Variants in SIGLEC7 observed in about 807,000 individuals in gnomAD.
SIGLEC7 encodes the protein sialic acid-binding Ig-like lectin 7.
Under a neutral mutation model 40.8 loss-of-function variants are expected in SIGLEC7, and 33 were observed. The observed-to-expected ratio is 0.81, with a 90% CI of 0.61 to 1.08. SIGLEC7 has a LOEUF of 1.08. Among genes scored for constraint, SIGLEC7 ranks in the 50% least tolerant of loss-of-function variants. The pLI is 0.00. For missense variants in SIGLEC7, 513 were observed against 576.1 expected (o/e 0.89, Z 1.12); for synonymous variants, 242 against 237.6 (o/e 1.02, Z -0.17).
In SIGLEC7 at chr19:51,144,523, G is replaced by A. The variant is rs1342935549; in HGVS notation, c.551G>A (p.Trp184Ter). 2 of 1,613,882 alleles carry A rather than the reference G, an allele frequency of 1.2e-6. No homozygotes were observed. The highest frequency in any genetic ancestry group is 4.5e-5 in the East Asian group (2 of 44,878). Residue 184 changes from tryptophan to a stop codon, truncating the protein, a stop_gained, in exon 2 of 7, where the codon TGG (tryptophan) becomes TAG (stop). Coordinates refer to ENST00000317643, the MANE Select transcript of SIGLEC7 (RefSeq NM_014385.4). LOFTEE classifies it high-confidence loss of function. ...CAGGGGACGCCCCCTATGATCTCCTGGATGGGGACCTCTGTGTCCCCCCTG... is the reference window on the plus strand; with the variant it reads ...CAGGGGACGCCCCCTATGATCTCCTAGATGGGGACCTCTGTGTCCCCCCTG... ...CEQGTPPMIS[W>*]MGTSVSPLHP... is the part of the protein sequence containing the mutation.
intron 6 of SIGLEC7, among the ~76,000 whole-genome samples, chr19:51,149,094 A>G (rs2092128137): frequency 6.6e-6 from 1 of 152,086 alleles, no homozygotes; most frequent in South Asian, 2.1e-4. Context: ...GTTTGCAAGT[A>G]TTTTCTCCCA....
At chr19:51,152,917 G>A (rs1033030347) in intron 6 of SIGLEC7, 146 bp from the exon 7 acceptor site, 9 of 525,566 alleles carry the variant, frequency 1.7e-5, no homozygotes, top group Middle Eastern at 5.4e-4. Flanking sequence ...TAAAATGAAC[G>A]TGGGATAGAG....
At chr19:51,143,362 T>C (rs2092082989) in intron 1 of SIGLEC7, among the ~76,000 whole-genome samples, 1 of 152,080 alleles carries the variant, frequency 6.6e-6, no homozygotes, top group African/African-American at 2.4e-5. Flanking sequence ...CCTCCATCTC[T>C]CATGCCCTGA....
rs138577654 is a variant in SIGLEC7 at position 51,146,119 on chromosome 19, C to T, written c.1025C>T (p.Thr342Ile). The T allele has an allele frequency of 3.7e-5, 60 of 1,613,678 alleles. No homozygotes were observed. In the Admixed American group the frequency reaches 8.2e-4, roughly 22 times the overall value. ...AACCTCTCCCTGCAACAGGAGTACA[C>T]AGGTGGGTAAGGGAGGGGCTGGAGG... ...SLNLSLQQEY[T>I]GKMRPVSGVL... Residue 342 changes from threonine (T) to isoleucine (I), a missense_variant and splice_region_variant, in exon 4 of 7, where the codon ACA becomes ATA. Thr to Ile is a moderately conservative substitution (Grantham distance 89). Coordinates refer to ENST00000317643, the MANE Select transcript of SIGLEC7 (RefSeq NM_014385.4).
At position 51,145,789 on chromosome 19, in the gene SIGLEC7, A is replaced by T. The variant is rs1002372835; in HGVS notation, c.761-66A>T. On this transcript the variant is annotated intron_variant, in intron 3 of 6. Transcript: ENST00000317643. The surrounding 1 kb of genome is among the most constrained non-coding windows in gnomAD (Gnocchi z 4.3). ...ACTCTCTGTTCCATTCCCCAGTCTC[A>T]TTCTGTATCCTTCCTCCCTGTTTCA... 9 of 1,574,610 alleles carry T rather than the reference A, an allele frequency of 5.7e-6. No individual in the cohort carries two copies. Among genetic ancestry groups the T allele is most frequent in the Non-Finnish European group, 7.8e-6 (9 of 1,150,404 alleles).
intron 6 of SIGLEC7, among the ~76,000 whole-genome samples, chr19:51,149,637 C>CT (rs1167570227): frequency 1.3e-5 from 2 of 152,094 alleles, no homozygotes; most frequent in African/African-American, 4.8e-5. Context: ...TATTTGGGCA[C>CT]TTTTTTGGTT....
At chr19:51,143,855 C>A in intron 1 of SIGLEC7, 1 of 441,720 alleles carries the variant, frequency 2.3e-6, no homozygotes. Flanking sequence ...AAGATACAGG[C>A]TGGAGGTGCT....
intron 2 of SIGLEC7, 106 bp downstream of exon 2, chr19:51,144,790 G>A (rs890486431): frequency 6.3e-7 from 1 of 1,578,322 alleles, no homozygotes; most frequent in African/African-American, 1.3e-5. Context: ...CCAGAATCTG[G>A]GCTGGTTGTG....
chr19:51,145,572 T>A lies in SIGLEC7; in HGVS notation c.761-283T>A, dbSNP rs2092101635. On this transcript the variant is annotated intron_variant, in intron 3 of 6. Transcript: ENST00000317643. This position sits in a 1 kb window ranked among gnomAD's most constrained non-coding sequence, Gnocchi z 4.3. ...CCTACGGCACGAACACTGCAATGAA[T>A]AATGTTGTATCTACTCCCACAAGGA... Among the ~76,000 whole-genome samples, 1 of 152,226 alleles carries A rather than the reference T, an allele frequency of 6.6e-6. No homozygotes were observed. The highest frequency in any genetic ancestry group is 1.5e-5 in the Non-Finnish European group (1 of 68,038).
chr19:51,150,023 T>C (rs189808954), intron 6 of SIGLEC7, among the ~76,000 whole-genome samples: 153 of 152,334 alleles, frequency 1.0e-3, no homozygotes, highest in Admixed American at 3.2e-3. Flanking sequence ...GCTGAAGTTA[T>C]TTATCATTTA....
intron 6 of SIGLEC7, among the ~76,000 whole-genome samples, chr19:51,150,151 T>C (rs1286678436): frequency 6.6e-6 from 1 of 152,256 alleles, no homozygotes; most frequent in African/African-American, 2.4e-5. Context: ...TTCTCTTGCC[T>C]GATTGCTCTG....
chr19:51,153,182 T>TCAGGAC lies in SIGLEC7; in HGVS notation c.1343_1348dup (p.Gln448_Asp449dup), dbSNP rs758367185. On this transcript the variant is annotated inframe_insertion, in exon 7 of 7. Coordinates refer to ENST00000317643, the MANE Select transcript of SIGLEC7 (RefSeq NM_014385.4). ...CCCTCAGCTTTCATAAGGGGGAGCC[T>TCAGGAC]CAGGACCTATCAGGACAAGAAGCCA... 1 of 1,606,910 alleles carries TCAGGAC rather than the reference T, an allele frequency of 6.2e-7. No homozygotes were observed. The highest frequency in any genetic ancestry group is 8.5e-7 in the Non-Finnish European group (1 of 1,176,794).
intron 4 of SIGLEC7, 120 bp downstream of exon 4, chr19:51,146,241 A>G: frequency 1.5e-6 from 2 of 1,336,110 alleles, no homozygotes; most frequent in Non-Finnish European, 2.1e-6. Flanking sequence ...TGAGGCCTGG[A>G]ACTTCCCTGC....
At position 51,144,391 on chromosome 19, in the gene SIGLEC7, C is replaced by T. The variant is rs756652975; in HGVS notation, c.434-15C>T. ...GATCCTCTGTCCTGATCCTGAGTCC[C>T]CCTCTCTTCACCAGCCTTGACCCAC... is the stretch of plus-strand genomic sequence containing the variant. On this transcript the variant is annotated splice_polypyrimidine_tract_variant and intron_variant, in intron 1 of 6. Coordinates refer to ENST00000317643, the MANE Select transcript of SIGLEC7 (RefSeq NM_014385.4). 6.3e-6 allele frequency: 10 copies of T among 1,596,110 alleles called. No homozygotes were observed. Among genetic ancestry groups the T allele is most frequent in the African/African-American group, 1.3e-5 (1 of 74,826 alleles).
rs1384623448 is a variant in SIGLEC7, at chr19:51,145,044, C to A, written c.760+85C>A. ...CAGGTCCCTCCTCATCCTGGACTCA[C>A]CCTGGTGATATGAGACTCCCTTGTA... is the stretch of plus-strand genomic sequence containing the variant. On this transcript the variant is annotated intron_variant, in intron 3 of 6. Transcript: ENST00000317643. This position sits in a 1 kb window ranked among gnomAD's most constrained non-coding sequence, Gnocchi z 4.3. 1.6e-5 allele frequency: 21 copies of A among 1,344,878 alleles called. No individual in the cohort carries two copies. The highest frequency in any genetic ancestry group is 2.2e-5 in the Non-Finnish European group (21 of 937,304). The allele number at this position is 1,344,878 out of a possible 1,614,324, so 83.3% of individuals were successfully genotyped here.
chr19:51,153,224 A>G lies in SIGLEC7; in HGVS notation c.1383A>G (p.Ser461=), dbSNP rs771488719. 6.3e-7 allele frequency: 1 copy of G among 1,582,800 alleles called. No individual in the cohort carries two copies. The highest frequency in any genetic ancestry group is 1.2e-5 in the South Asian group (1 of 84,874). The change falls in exon 7 of 7, where the codon TCA becomes TCG. Residue 461 remains serine, a synonymous_variant. Transcript: ENST00000317643. The stretch of plus-strand genomic sequence containing the variant: ...AAGAAGCCACCAACAATGAGTACTC[A>G]GAGATCAAGATCCCCAAGTAAGAAA... The part of the protein sequence containing the change: ...SGQEATNNEY[S]EIKIPK
chr19:51,151,857 G>A (rs1213804111), intron 6 of SIGLEC7, among the ~76,000 whole-genome samples: 3 of 152,324 alleles, frequency 2.0e-5, no homozygotes, highest in Middle Eastern at 3.4e-3. Flanking sequence ...AATCTGGCAA[G>A]CAAAATCACT....
intron 1 of SIGLEC7, 73 bp from the exon 2 acceptor site, chr19:51,144,333 C>A (rs1030572744): frequency 6.6e-7 from 1 of 1,522,584 alleles, no homozygotes; most frequent in African/African-American, 1.4e-5. Flanking sequence ...GAAGCTGAAC[C>A]AGAGCCTGAG....
Position 51,146,122 on chromosome 19 carries a change from G to A in SIGLEC7, c.1027+1G>A. On this transcript the variant is annotated splice_donor_variant, in intron 4 of 6. Transcript: ENST00000317643. LOFTEE classifies it high-confidence loss of function. ...CTCTCCCTGCAACAGGAGTACACAG[G>A]TGGGTAAGGGAGGGGCTGGAGGAGG... 6.2e-7 allele frequency: 1 copy of A among 1,613,158 alleles called. No homozygotes were observed.
Sources: allele counts gnomAD v4.1 joint callset (sites outside exome capture counted in the v4.1 genomes callset), GRCh38; gene constraint gnomAD v4.1.1; non-coding constraint Gnocchi (gnomAD v3.1); transcripts MANE v1.5; gene names NCBI Gene and HGNC (gene_info 2026-07-23, HGNC 2026-07-21).